Variants in FUBP3 observed in about 807,000 individuals in gnomAD.
The protein encoded by FUBP3 is far upstream element binding protein 3.
In FUBP3, 28 loss-of-function variants were observed where a neutral mutation model predicts 85.6. That is an observed-to-expected ratio of 0.33 (90% CI 0.24 to 0.45). The LOEUF is 0.45. Among genes scored for constraint, FUBP3 ranks in the 20% least tolerant of loss-of-function variants. FUBP3 has a pLI of 1.00. For synonymous variants in FUBP3, 271 were observed against 271.4 expected, an observed-to-expected ratio of 1.00 and a Z score of 0.01; for missense variants, 583 against 755.1, an observed-to-expected ratio of 0.77 and a Z score of 2.67.
chr9:130,616,252 C>A lies in FUBP3; in HGVS notation c.405-103C>A. ...GGAGCTGGAGCTGGATGGAGGGCTG[C>A]CCTGACTCCCGCAGGTTTTTCCCTC... On this transcript the variant is annotated intron_variant, in intron 6 of 18. Coordinates refer to ENST00000319725, the MANE Select transcript of FUBP3 (RefSeq NM_003934.2). The surrounding 1 kb of genome is among the most constrained non-coding windows in gnomAD (Gnocchi z 4.7). 2.8e-6 allele frequency: 3 copies of A among 1,076,790 alleles called. No homozygotes were observed. The highest frequency in any genetic ancestry group is 1.5e-5 in the South Asian group (1 of 67,066). 66.7% of individuals were successfully genotyped at this position (1,076,790 alleles called of 1,614,324 possible).
rs368507031 is a variant in FUBP3, at chr9:130,583,047, A to G, written c.84+3283A>G. 1.4e-4 allele frequency among the ~76,000 whole-genome samples: 22 copies of G among 152,374 alleles called. 1 individual carries two copies. The South Asian group carries it at 4.6e-3, about 32-fold the overall frequency. Reference sequence around the variant, plus strand: ...ATAATGTTGATACAGAATGCAGTCTAAATGGTGCTTCATAGAGTTCGTTCG... The same window carrying G: ...ATAATGTTGATACAGAATGCAGTCTGAATGGTGCTTCATAGAGTTCGTTCG... On this transcript the variant is annotated intron_variant, in intron 1 of 18. Coordinates refer to ENST00000319725, the MANE Select transcript of FUBP3 (RefSeq NM_003934.2).
chr9:130,620,758 G>C (rs144786080), intron 9 of FUBP3, among the ~76,000 whole-genome samples: 1 of 152,328 alleles, frequency 6.6e-6, no homozygotes, highest in Non-Finnish European at 1.5e-5. Flanking sequence ...TGTATATCAT[G>C]ATTCTGTCAA....
chr9:130,590,217 C>T (rs577597628), intron 1 of FUBP3, among the ~76,000 whole-genome samples: 24 of 152,114 alleles, frequency 1.6e-4, no homozygotes, highest in Admixed American at 8.5e-4. Context: ...CCCAAGATCA[C>T]CTTGTGCATT....
At chr9:130,610,725 CCTT>C (rs1387597551) in intron 3 of FUBP3, among the ~76,000 whole-genome samples, 1 of 152,186 alleles carries the variant, frequency 6.6e-6, no homozygotes, top group Non-Finnish European at 1.5e-5. Context: ...ATATCCTTAA[CCTT>C]CTATCAGCAA....
intron 1 of FUBP3, among the ~76,000 whole-genome samples, chr9:130,594,708 A>G (rs1411380486): frequency 6.6e-6 from 1 of 152,056 alleles, no homozygotes; most frequent in Non-Finnish European, 1.5e-5. Flanking sequence ...ACAGTGAACA[A>G]TGATCACATC....
At chr9:130,609,474 G>A (rs574197622) in intron 2 of FUBP3, among the ~76,000 whole-genome samples, 9 of 152,166 alleles carry the variant, frequency 5.9e-5, no homozygotes, top group East Asian at 1.9e-4. Context: ...ACCAGGGGGC[G>A]TCTCCTCCCC....
At chr9:130,617,413 C>G (rs1443860832) in intron 7 of FUBP3, among the ~76,000 whole-genome samples, 1 of 152,196 alleles carries the variant, frequency 6.6e-6, no homozygotes, top group Non-Finnish European at 1.5e-5. Flanking sequence ...CACTCATTAG[C>G]TCTGGACCTA....
rs60878897 is a variant in FUBP3 at position 130,590,021 on chromosome 9, ATTTTTTTTTTTTTTTT to A, written c.85-5447_85-5432del. On this transcript the variant is annotated intron_variant, in intron 1 of 18. Transcript: ENST00000319725. ...TGAGCCACCACACCCGGCCTATTTA[ATTTTTTTTTTTTTTTT>A]TTTTTTTTTTTTTTGCCTGTGACAT... Among the ~76,000 whole-genome samples the A allele has an allele frequency of 8.7e-5, 4 of 45,992 alleles. 1 individual carries two copies. The highest frequency in any genetic ancestry group is 1.6e-3 in the East Asian group (2 of 1,260). 30.2% of individuals were successfully genotyped at this position (45,992 alleles called of 152,430 possible). A position where few individuals can be genotyped will look rare whatever the true frequency, so the allele number is the denominator to read the frequency against.
chr9:130,620,637 G>A (rs1377728560), intron 9 of FUBP3, among the ~76,000 whole-genome samples, 179 bp downstream of exon 9: 1 of 152,168 alleles, frequency 6.6e-6, no homozygotes, highest in African/African-American at 2.4e-5. Context: ...CCTGCAGTGA[G>A]GGAGCTGGCT....
At chr9:130,596,342 G>T (rs1005692283) in intron 2 of FUBP3, among the ~76,000 whole-genome samples, 10 of 152,126 alleles carry the variant, frequency 6.6e-5, no homozygotes. Context: ...CTGTCGCTAT[G>T]TACCCAATCA....
Position 130,628,124 on chromosome 9 carries a change from ACACC to A in FUBP3, c.1117+1621_1117+1624del, listed in dbSNP as rs1156475431. Among the ~76,000 whole-genome samples the A allele has an allele frequency of 1.1e-3, 169 of 150,692 alleles. 2 individuals carry two copies. Among genetic ancestry groups the A allele is most frequent in the African/African-American group, 3.7e-3 (150 of 40,614 alleles). On this transcript the variant is annotated intron_variant, in intron 12 of 18. Transcript: ENST00000319725. Reference sequence around the variant, plus strand: ...CACGCGCACACACACACACACACACACACCCCCTACCCCTCAGGGCCCATGTGAG... The same window carrying A: ...CACGCGCACACACACACACACACACACCCTACCCCTCAGGGCCCATGTGAG...
Position 130,630,713 on chromosome 9 carries a change from C to T in FUBP3, c.1203C>T (p.Asn401=), listed in dbSNP as rs755689662. ...QRNPPPNSDP[N]LRRFTIRGVP... Reference sequence around the variant, plus strand: ...ACCCCCCTCCCAACAGCGACCCCAACCTGCGGAGATTCACCATCAGGGGGG... The same window carrying T: ...ACCCCCCTCCCAACAGCGACCCCAATCTGCGGAGATTCACCATCAGGGGGG... Residue 401 remains asparagine, a synonymous_variant, in exon 13 of 19, where the codon AAC becomes AAT. Coordinates refer to ENST00000319725, the MANE Select transcript of FUBP3 (RefSeq NM_003934.2). 1.3e-6 allele frequency: 2 copies of T among 1,588,894 alleles called. No homozygotes were observed. The highest frequency in any genetic ancestry group is 1.1e-5 in the South Asian group (1 of 88,238).
rs1393340664 is a variant in FUBP3, at chr9:130,638,026, A to T, written c.*1004A>T. On this transcript the variant is annotated 3_prime_UTR_variant, in exon 19 of 19. Transcript: ENST00000319725. ...AAATAATTTTGATTTAATGAAAGGG[A>T]TAATATGATTTCCAGTGTTTACTGT... The T allele has an allele frequency of 6.6e-6, 1 of 152,522 alleles. No homozygotes were observed. The highest frequency in any genetic ancestry group is 1.5e-5 in the Non-Finnish European group (1 of 68,024). 9.4% of individuals were successfully genotyped at this position (152,522 alleles called of 1,614,324 possible). A position where few individuals can be genotyped will look rare whatever the true frequency, so the allele number is the denominator to read the frequency against.
chr9:130,626,611 G>C, intron 12 of FUBP3, 106 bp downstream of exon 12: 1 of 1,078,702 alleles, frequency 9.3e-7, no homozygotes, highest in Non-Finnish European at 1.3e-6. Context: ...GCTGCTGCAG[G>C]CTGGGGCTGC....
intron 12 of FUBP3, among the ~76,000 whole-genome samples, chr9:130,626,797 G>A (rs768631656): frequency 3.9e-5 from 6 of 152,176 alleles, no homozygotes; most frequent in African/African-American, 1.2e-4. Context: ...GATACCTTGC[G>A]CAAGATGGGG....
chr9:130,637,456 T>C lies in FUBP3; in HGVS notation c.*434T>C, dbSNP rs1830457122. 5.8e-6 allele frequency: 1 copy of C among 172,896 alleles called. No homozygotes were observed. Among genetic ancestry groups the C allele is most frequent in the Non-Finnish European group, 1.3e-5 (1 of 78,992 alleles). 10.7% of individuals were successfully genotyped at this position (172,896 alleles called of 1,614,324 possible). ...AAATTTTAAAGCAGTATTTAAGTAT[T>C]CTTAAATGTGTAAATTCATTTAATG... is the stretch of plus-strand genomic sequence containing the variant. On this transcript the variant is annotated 3_prime_UTR_variant, in exon 19 of 19. Coordinates refer to ENST00000319725, the MANE Select transcript of FUBP3 (RefSeq NM_003934.2).
chr9:130,601,793 A>C (rs1269907985), intron 2 of FUBP3, among the ~76,000 whole-genome samples: 1 of 119,694 alleles, frequency 8.4e-6, no homozygotes, highest in Non-Finnish European at 1.6e-5. Context: ...TTTTAGAAAT[A>C]ATTCCTAATT....
Position 130,631,979 on chromosome 9 carries a change from A to T in FUBP3, c.1390A>T (p.Met464Leu). 1 of 1,613,722 alleles carries T rather than the reference A, an allele frequency of 6.2e-7. No homozygotes were observed. ...PPRSSGCFPNMAAKVNGNPHS... is the reference protein window; with the variant it reads ...PPRSSGCFPNLAAKVNGNPHS... The stretch of plus-strand genomic sequence containing the variant: ...AAGGAGCTCCGGGTGCTTCCCAAAC[A>T]TGGCTGCCAAGGTGAATGGGAACCC... Residue 464 changes from methionine to leucine, a missense_variant, in exon 15 of 19, where the codon ATG (methionine) becomes TTG (leucine). By Grantham distance (15) the Met-to-Leu change is conservative. Around this residue, in one of 3 missense-constraint regions of FUBP3, gnomAD observed 404 missense variants for 516.8 expected, o/e 0.78. Coordinates refer to ENST00000319725, the MANE Select transcript of FUBP3 (RefSeq NM_003934.2).
chr9:130,585,595 GCTT>G (rs1217142629), intron 1 of FUBP3, among the ~76,000 whole-genome samples: 1 of 152,162 alleles, frequency 6.6e-6, no homozygotes, highest in Non-Finnish European at 1.5e-5. Flanking sequence ...AGGTGAATTG[GCTT>G]CTTTACTGTA....
Sources: gnomAD v4.1 joint callset for allele counts (sites outside exome capture counted in the v4.1 genomes callset) on GRCh38, gnomAD v4.1.1 for gene constraint, gnomAD v4.1.1 regional missense constraint, Gnocchi (gnomAD v3.1) non-coding constraint, MANE v1.5 for transcripts, NCBI Gene and HGNC (gene_info 2026-07-23, HGNC 2026-07-21) for gene names.